Variants in DOT1L observed in about 807,000 individuals in gnomAD.
DOT1L encodes DOT1 like histone lysine methyltransferase, also known as histone-lysine N-methyltransferase, H3 lysine-79 specific.
In DOT1L, 33 loss-of-function variants were observed where a neutral mutation model predicts 153.3. That is an observed-to-expected ratio of 0.22 (90% CI 0.16 to 0.29). DOT1L has a LOEUF of 0.29. DOT1L is among the 10% of genes least tolerant of loss of function. DOT1L has a pLI of 1.00. For synonymous variants in DOT1L, 1,135 were observed against 965.1 expected (o/e 1.18, Z -3.26); for missense variants, 1,847 against 2,119.9 (o/e 0.87, Z 2.53).
chr19:2,179,722 C>T (rs1358501495), intron 1 of DOT1L, among the ~76,000 whole-genome samples: 3 of 151,992 alleles, frequency 2.0e-5, no homozygotes, highest in Admixed American at 6.6e-5. Flanking sequence ...CAGGAGAATC[C>T]CTTGAACCTG....
At chr19:2,200,816 C>T (rs1180937977) in intron 8 of DOT1L, among the ~76,000 whole-genome samples, 25 of 145,034 alleles carry the variant, frequency 1.7e-4, no homozygotes, top group African/African-American at 2.3e-4. Context: ...GTCCTCCCCA[C>T]GCCTCTCGTC....
chr19:2,218,283 A>G (rs1375344370), intron 22 of DOT1L, among the ~76,000 whole-genome samples: 1 of 152,242 alleles, frequency 6.6e-6, no homozygotes, highest in Admixed American at 6.5e-5. Context: ...CTGTGCATGC[A>G]GAGAATCTCG....
At chr19:2,170,993 T>C (rs1346693670) in intron 1 of DOT1L, among the ~76,000 whole-genome samples, 5 of 152,136 alleles carry the variant, frequency 3.3e-5, no homozygotes, top group Admixed American at 3.3e-4. Flanking sequence ...GATAGGGTCT[T>C]GCTTTGTCAC....
chr19:2,196,861 G>A (rs907199666), intron 7 of DOT1L, among the ~76,000 whole-genome samples: 1 of 152,208 alleles, frequency 6.6e-6, no homozygotes, highest in Non-Finnish European at 1.5e-5. Flanking sequence ...CGGCGGGCTC[G>A]TGTGGATGCT....
rs747161883 is a variant in DOT1L, at chr19:2,226,717, C to T, written c.4196C>T (p.Pro1399Leu). ...GAGGGCGGCCTACCGCTGTGCGGGC[C>T]CACGGACAAGACCCCACTGCTGAGC... Reference protein sequence around the residue: ...AGEGGLPLCGPTDKTPLLSGK... With the variant: ...AGEGGLPLCGLTDKTPLLSGK... The change falls in exon 27 of 28, where the codon CCC (proline) becomes CTC (leucine). Residue 1399 changes from proline to leucine, a missense_variant. This residue lies in a region of DOT1L where 934 missense variants were observed against 825.3 expected (regional missense o/e 1.13). Transcript: ENST00000398665. The T allele has an allele frequency of 1.5e-5, 24 of 1,564,586 alleles. No homozygotes were observed. The highest frequency in any genetic ancestry group is 1.9e-5 in the Non-Finnish European group (22 of 1,159,922).
intron 25 of DOT1L, 144 bp from the exon 26 acceptor site, chr19:2,225,244 G>T (rs2144923193): frequency 2.7e-6 from 2 of 751,322 alleles, no homozygotes; most frequent in East Asian, 5.4e-5. Context: ...GCCTGGCCCA[G>T]GGTGGCTGCA....
At chr19:2,189,420 T>G (rs1443771906) in intron 3 of DOT1L, among the ~76,000 whole-genome samples, 1 of 152,152 alleles carries the variant, frequency 6.6e-6, no homozygotes, top group African/African-American at 2.4e-5. Context: ...CGAGCCCTCT[T>G]TCTCTCCTCA....
At chr19:2,171,633 CGTG>C (rs1568326193) in intron 1 of DOT1L, among the ~76,000 whole-genome samples, 1 of 152,188 alleles carries the variant, frequency 6.6e-6, no homozygotes, top group Non-Finnish European at 1.5e-5. Context: ...GGTGTCGCTC[CGTG>C]TTCGTGTACA....
chr19:2,180,859 G>A (rs951658085), intron 2 of DOT1L, 103 bp downstream of exon 2: 2 of 1,386,176 alleles, frequency 1.4e-6, no homozygotes, highest in Non-Finnish European at 2.0e-6. Context: ...CTGCAGGGGT[G>A]GACTCCTGGA....
At chr19:2,178,203 A>T (rs1334974788) in intron 1 of DOT1L, among the ~76,000 whole-genome samples, 1 of 144,754 alleles carries the variant, frequency 6.9e-6, no homozygotes, top group South Asian at 2.2e-4. Context: ...AAGTGCTGGG[A>T]TTACAGGTGT....
chr19:2,210,656 C>G lies in DOT1L; in HGVS notation c.1152C>G (p.Ala384=). ...SGAEEEKAGA[A]TVKKPSPSKA... ...CTGAGGAAGAGAAGGCGGGAGCAGC[C>G]ACCGTGAAGAAGCCGTCTCCCTCCA... Residue 384 remains alanine (A), a synonymous_variant, in exon 14 of 28, where the codon GCC becomes GCG. Coordinates refer to ENST00000398665, the MANE Select transcript of DOT1L (RefSeq NM_032482.3). 6.2e-7 allele frequency: 1 copy of G among 1,612,876 alleles called. No individual in the cohort carries two copies. The highest frequency in any genetic ancestry group is 1.1e-5 in the South Asian group (1 of 91,086).
intron 9 of DOT1L, among the ~76,000 whole-genome samples, chr19:2,203,820 C>G (rs996639562): frequency 6.6e-6 from 1 of 152,164 alleles, no homozygotes; most frequent in African/African-American, 2.4e-5. Flanking sequence ...GCCTGCCTTC[C>G]TAGGCTCTCC....
At chr19:2,168,890 A>G (rs1175679892) in intron 1 of DOT1L, among the ~76,000 whole-genome samples, 4 of 152,192 alleles carry the variant, frequency 2.6e-5, no homozygotes, top group Admixed American at 6.5e-5. Context: ...CTAGGATTAC[A>G]GGCATGAGCC....
chr19:2,173,013 A>G (rs541242564), intron 1 of DOT1L, among the ~76,000 whole-genome samples: 9 of 151,854 alleles, frequency 5.9e-5, no homozygotes, highest in Non-Finnish European at 8.8e-5. Flanking sequence ...TTAAGTGTAC[A>G]TTTCAGTGTG....
chr19:2,223,477 G>A lies in DOT1L; in HGVS notation c.3587G>A (p.Ser1196Asn), dbSNP rs891248623. 1.9e-6 allele frequency: 3 copies of A among 1,610,778 alleles called. No homozygotes were observed. The highest frequency in any genetic ancestry group is 2.5e-6 in the Non-Finnish European group (3 of 1,179,532). ...DEEPGSEDEP[S>N]SARIERKIAT... The stretch of plus-strand genomic sequence containing the variant: ...GAGCCAGGCTCTGAGGACGAGCCCA[G>A]CAGTGCTCGGCGAGTCCAGGGGCCC... Residue 1196 changes from serine to asparagine, a missense_variant, in exon 25 of 28, where the codon AGC becomes AAC. Transcript: ENST00000398665.
intron 3 of DOT1L, among the ~76,000 whole-genome samples, chr19:2,186,609 C>T (rs2144721379): frequency 6.6e-6 from 1 of 152,356 alleles, no homozygotes; most frequent in Non-Finnish European, 1.5e-5. Flanking sequence ...CTGCACTTTA[C>T]CTGGCTCTCC....
In DOT1L at chr19:2,197,482, C is replaced by T. The variant is rs950653184; in HGVS notation, c.652-2402C>T. 7.2e-5 allele frequency among the ~76,000 whole-genome samples: 11 copies of T among 152,298 alleles called. No individual in the cohort carries two copies. The highest frequency in any genetic ancestry group is 4.1e-4 in the South Asian group (2 of 4,830). On this transcript the variant is annotated intron_variant, in intron 7 of 27. Coordinates refer to ENST00000398665, the MANE Select transcript of DOT1L (RefSeq NM_032482.3). The surrounding 1 kb of genome is among the most constrained non-coding windows in gnomAD (Gnocchi z 4.1). ...GCCTTGCTCAGGAGAGGGGTGCTGT[C>T]GGGTGGTGGGGCTGCCGCAGCACTG...
In DOT1L at chr19:2,200,503, C is replaced by A. The variant is rs540969950; in HGVS notation, c.707+564C>A. ...GGGCTCTGTATGGTTGGGCTGGGCC[C>A]CCGTGCTTTCCACTGCCCAGCCTGG... On this transcript the variant is annotated intron_variant, in intron 8 of 27. Transcript: ENST00000398665. Among the ~76,000 whole-genome samples, 8 of 152,316 alleles carry A rather than the reference C, an allele frequency of 5.3e-5. No homozygotes were observed. In the South Asian group the frequency reaches 1.7e-3, roughly 32 times the overall value.
At chr19:2,166,618 C>A (rs965526905) in intron 1 of DOT1L, among the ~76,000 whole-genome samples, 1 of 150,782 alleles carries the variant, frequency 6.6e-6, no homozygotes, top group African/African-American at 2.4e-5. Context: ...TTCATGTTGG[C>A]TAGGCTGGTC....
Sources: allele counts gnomAD v4.1 joint callset (sites outside exome capture counted in the v4.1 genomes callset), GRCh38; gene constraint gnomAD v4.1.1; regional missense constraint gnomAD v4.1.1; non-coding constraint Gnocchi (gnomAD v3.1); transcripts MANE v1.5; gene names NCBI Gene and HGNC (gene_info 2026-07-23, HGNC 2026-07-21).